The following CHEK1 variants were observed in gnomAD, a reference collection of about 807,000 sequenced individuals.
CHEK1 encodes checkpoint kinase 1, also known as serine/threonine-protein kinase Chk1.
CHEK1 carries 32 observed loss-of-function variants against 60.2 expected under a neutral mutation model. That is an observed-to-expected ratio of 0.53 (90% CI 0.40 to 0.71). CHEK1 has a LOEUF of 0.71. CHEK1 is among the 30% of genes least tolerant of loss of function. The pLI, the probability that CHEK1 is intolerant of heterozygous loss-of-function variation, is 0.00. For synonymous variants in CHEK1, 179 were observed against 187.2 expected (o/e 0.96, Z 0.36); for missense variants, 399 against 564.6 (o/e 0.71, Z 2.97).
rs2136028570 is a variant in CHEK1 at position 125,644,243 on chromosome 11, T to C, written c.1076T>C (p.Leu359Ser). The C allele has an allele frequency of 6.2e-7, 1 of 1,613,362 alleles. No individual in the cohort carries two copies. The highest frequency in any genetic ancestry group is 1.3e-5 in the African/African-American group (1 of 75,044). The change falls in exon 10 of 13, where the codon TTA (leucine) becomes TCA (serine). Residue 359 changes from leucine (L) to serine (S), a missense_variant. By Grantham distance (145) the Leu-to-Ser change is moderately radical (BLOSUM62 -2). Coordinates refer to ENST00000438015, the MANE Select transcript of CHEK1 (RefSeq NM_001114122.3). ...GATCATATGCTTTTGAATAGTCAGT[T>C]ACTTGGCACCCCAGGATCCTCACAG... ...CPDHMLLNSQLLGTPGSSQNP... is the reference protein window; with the variant it reads ...CPDHMLLNSQSLGTPGSSQNP...
Position 125,643,854 on chromosome 11 carries a change from C to T in CHEK1, c.877C>T (p.His293Tyr), listed in dbSNP as rs147323405. Residue 293 changes from histidine (H) to tyrosine (Y), a missense_variant, in exon 9 of 13, where the codon CAC becomes TAC. Transcript: ENST00000438015. ...VSESPSGFSK[H>Y]IQSNLDFSPV... Reference sequence around the variant, plus strand: ...AGAGTCTCCCAGTGGATTTTCTAAGCACATTCAATCCAATTTGGACTTCTC... The same window carrying T: ...AGAGTCTCCCAGTGGATTTTCTAAGTACATTCAATCCAATTTGGACTTCTC... The T allele has an allele frequency of 6.2e-7, 1 of 1,614,144 alleles. No homozygotes were observed. The highest frequency in any genetic ancestry group is 8.5e-7 in the Non-Finnish European group (1 of 1,180,022).
chr11:125,632,430 C>A (rs1322196149), intron 5 of CHEK1, among the ~76,000 whole-genome samples: 1 of 152,118 alleles, frequency 6.6e-6, no homozygotes, highest in Non-Finnish European at 1.5e-5. Flanking sequence ...CTCTAAGATC[C>A]TATAGTGCTC....
At chr11:125,658,033 G>T (rs981602545), downstream of CHEK1, among the ~76,000 whole-genome samples, 4 of 152,140 alleles carry the variant, frequency 2.6e-5, no homozygotes, top group Non-Finnish European at 5.9e-5. Context: ...CCTACAGTTG[G>T]TGTGGTCAGT....
At chr11:125,668,711 A>C (rs1209527573) in intron 13 of CHEK1, among the ~76,000 whole-genome samples, 1 of 152,036 alleles carries the variant, frequency 6.6e-6, no homozygotes, top group African/African-American at 2.4e-5. Flanking sequence ...TGTCACCATG[A>C]CCAGATACTT....
Position 125,653,717 on chromosome 11 carries a change from G to A in CHEK1, c.1234-29G>A, listed in dbSNP as rs756445296. The A allele has an allele frequency of 2.1e-5, 24 of 1,159,760 alleles. No individual in the cohort carries two copies. Among genetic ancestry groups the A allele is most frequent in the South Asian group, 1.3e-4 (10 of 74,774 alleles). 71.8% of individuals were successfully genotyped at this position (1,159,760 alleles called of 1,614,324 possible). A position where few individuals can be genotyped will look rare whatever the true frequency, so the allele number is the denominator to read the frequency against. On this transcript the variant is annotated intron_variant, in intron 11 of 12. Transcript: ENST00000438015. This position sits in a 1 kb window ranked among gnomAD's most constrained non-coding sequence, Gnocchi z 4.3. ...ACTAGTTTATTATCTACTCACCCAT[G>A]TGGCTTAACCTTATTTTTGTTGCCT...
chr11:125,639,441 C>T (rs954029824), intron 8 of CHEK1, among the ~76,000 whole-genome samples: 13 of 144,208 alleles, frequency 9.0e-5, no homozygotes, highest in Non-Finnish European at 1.0e-4. Flanking sequence ...GCGCCATCTC[C>T]ACTCACTTCA....
At chr11:125,641,340 A>T (rs1317400427) in intron 8 of CHEK1, among the ~76,000 whole-genome samples, 2 of 151,322 alleles carry the variant, frequency 1.3e-5, no homozygotes, top group African/African-American at 2.4e-5. Context: ...GTTTTTTTTC[A>T]TCTGCTCAGC....
intron 11 of CHEK1, among the ~76,000 whole-genome samples, chr11:125,645,288 C>T (rs960990194): frequency 2.6e-5 from 4 of 151,958 alleles, no homozygotes; most frequent in African/African-American, 4.8e-5. Context: ...CTATGAAAGA[C>T]GAATACATTA....
chr11:125,680,593 G>A (rs188396971), downstream of CHEK1: 10 of 740,294 alleles, frequency 1.4e-5, no homozygotes, highest in East Asian at 2.6e-4. Context: ...TCTCCGAGTT[G>A]GACTTGTTTA....
chr11:125,667,286 TTAGTATA>T (rs1459586857), intron 13 of CHEK1, among the ~76,000 whole-genome samples: 4 of 152,214 alleles, frequency 2.6e-5, no homozygotes, highest in African/African-American at 9.6e-5. Flanking sequence ...ATTAGGTCAC[TTAGTATA>T]AAGGCCTCCT....
rs1941403732 is a variant in CHEK1 at position 125,644,087 on chromosome 11, T to C, written c.924-4T>C. ...GTATGTTTCTTTCTGTCTTAATGCC[T>C]CAGTGAAGAAAATGTGAAGTACTCC... On this transcript the variant is annotated splice_region_variant and splice_polypyrimidine_tract_variant and intron_variant, in intron 9 of 12. Transcript: ENST00000438015. 1.2e-5 allele frequency: 20 copies of C among 1,608,104 alleles called. No individual in the cohort carries two copies. The highest frequency in any genetic ancestry group is 1.7e-5 in the Non-Finnish European group (20 of 1,178,446).
intron 8 of CHEK1, chr11:125,642,927 C>T (rs1006754926): frequency 2.0e-5 from 3 of 152,020 alleles, no homozygotes; most frequent in Non-Finnish European, 4.4e-5. Flanking sequence ...GGAAAGGAAA[C>T]TAGAGAAACA....
intron 11 of CHEK1, among the ~76,000 whole-genome samples, chr11:125,649,044 T>G (rs1256007754): frequency 6.6e-6 from 1 of 152,202 alleles, no homozygotes; most frequent in Non-Finnish European, 1.5e-5. Context: ...CTTGACCTTC[T>G]GGGCTCAAGT....
At chr11:125,669,680 C>G (rs544824945) in intron 13 of CHEK1, among the ~76,000 whole-genome samples, 126 of 151,792 alleles carry the variant, frequency 8.3e-4, no homozygotes, top group Non-Finnish European at 1.7e-3. Context: ...CCCACCACCA[C>G]GCCTGGCTAA....
downstream of CHEK1, among the ~76,000 whole-genome samples, chr11:125,660,227 A>G (rs1466207608): frequency 1.3e-5 from 2 of 152,168 alleles, no homozygotes; most frequent in Non-Finnish European, 2.9e-5. Flanking sequence ...TGATAGTGAT[A>G]GTTTTTACAA....
At position 125,635,184 on chromosome 11, in the gene CHEK1, C is replaced by T. The variant is rs532559640; in HGVS notation, c.614-245C>T. 2.6e-5 allele frequency among the ~76,000 whole-genome samples: 4 copies of T among 152,202 alleles called. No individual in the cohort carries two copies. In the East Asian group the frequency reaches 5.8e-4, roughly 22 times the overall value. On this transcript the variant is annotated intron_variant, in intron 6 of 12. Coordinates refer to ENST00000438015, the MANE Select transcript of CHEK1 (RefSeq NM_001114122.3). The stretch of plus-strand genomic sequence containing the variant: ...ATGTTGCCCAGGCTGGTCTTGAACT[C>T]CTGGGCTCAAGCAGTCCTTCTGCCT...
At chr11:125,676,543 T>G (rs2134120403), downstream of CHEK1, 1 of 1,598,090 alleles carries the variant, frequency 6.3e-7, no homozygotes, top group East Asian at 2.2e-5. Flanking sequence ...TTGATTCACA[T>G]CTGGGAGGGG....
intron 8 of CHEK1, among the ~76,000 whole-genome samples, chr11:125,638,355 G>A (rs1282204491): frequency 6.6e-6 from 1 of 152,132 alleles, no homozygotes; most frequent in African/African-American, 2.4e-5. Flanking sequence ...CAATGGTATT[G>A]GAGAAATGAG....
rs2136066850 is a variant in CHEK1, at chr11:125,655,380, TTCCTAGAGAAGATTATCCTG to T, written c.*65_*84del. ...TAGTGCTGCTATGTTGACATTATTC[TTCCTAGAGAAGATTATCCTG>T]TCCTGCAAACTGCAAATAGTAGTTC... On this transcript the variant is annotated 3_prime_UTR_variant, in exon 13 of 13. Coordinates refer to ENST00000438015, the MANE Select transcript of CHEK1 (RefSeq NM_001114122.3). 8.2e-7 allele frequency: 1 copy of T among 1,222,422 alleles called. No individual in the cohort carries two copies. The highest frequency in any genetic ancestry group is 1.9e-5 in the Admixed American group (1 of 52,834). The allele number at this position is 1,222,422 out of a possible 1,614,324, so 75.7% of individuals were successfully genotyped here.
Sources: gnomAD v4.1 joint callset for allele counts (sites outside exome capture counted in the v4.1 genomes callset) on GRCh38, gnomAD v4.1.1 for gene constraint, Gnocchi (gnomAD v3.1) non-coding constraint, MANE v1.5 for transcripts, NCBI Gene and HGNC (gene_info 2026-07-23, HGNC 2026-07-21) for gene names.